LYSMD3: variants seen among roughly 807,000 people sequenced by gnomAD.
The protein encoded by LYSMD3 is lysM and putative peptidoglycan-binding domain-containing protein 3.
A neutral mutation model predicts 26.1 loss-of-function variants in LYSMD3; 13 were observed. The observed-to-expected ratio is 0.50, with a 90% CI of 0.32 to 0.79. LYSMD3 has a LOEUF of 0.79. Ranked by LOEUF, LYSMD3 falls within the 30% of genes least tolerant of loss-of-function variation. The pLI is 0.03. For missense variants in LYSMD3, 331 were observed against 362.5 expected (o/e 0.91, Z 0.71); for synonymous variants, 109 against 119.4 (o/e 0.91, Z 0.57).
At position 90,519,095 on chromosome 5, in the gene LYSMD3, T is replaced by G. The variant is rs373220565; in HGVS notation, c.645A>C (p.Gly215=). Reference sequence around the variant, plus strand: ...TCACTACAGCTGTCCACCACCCTATTCCCCAGTCTGCTCCATAATAGGGGT... The same window carrying G: ...TCACTACAGCTGTCCACCACCCTATGCCCCAGTCTGCTCCATAATAGGGGT... ...RKDPYYGADW[G]IGWWTAVVIM... Residue 215 remains glycine (G), a synonymous_variant, in exon 3 of 3, where the codon GGA becomes GGC. Coordinates refer to ENST00000315948, the MANE Select transcript of LYSMD3 (RefSeq NM_198273.2). 6.2e-7 allele frequency: 1 copy of G among 1,614,136 alleles called. No homozygotes were observed. The highest frequency in any genetic ancestry group is 1.1e-5 in the South Asian group (1 of 91,086).
At chr5:90,520,865 G>A (rs147858167) in intron 2 of LYSMD3, among the ~76,000 whole-genome samples, 132 of 151,956 alleles carry the variant, frequency 8.7e-4, no homozygotes, top group African/African-American at 3.1e-3. Flanking sequence ...GTTACAGTGA[G>A]CAGAGATTGT....
At chr5:90,526,971 A>G (rs2151922599) in intron 1 of LYSMD3, 1 of 152,378 alleles carries the variant, frequency 6.6e-6, no homozygotes, top group East Asian at 1.9e-4. Context: ...GAAGAAGTCC[A>G]AAATTCAGTA....
chr5:90,525,522 T>G (rs1442117734), intron 1 of LYSMD3, among the ~76,000 whole-genome samples: 1 of 152,218 alleles, frequency 6.6e-6, no homozygotes, highest in Non-Finnish European at 1.5e-5. Flanking sequence ...CGATCTCAGC[T>G]CACTGCAACC....
At chr5:90,520,302 C>T in intron 2 of LYSMD3, 1 of 426,030 alleles carries the variant, frequency 2.3e-6, no homozygotes, top group South Asian at 1.7e-5. Flanking sequence ...ATGCCAGGCT[C>T]TCCCACCATC....
intron 1 of LYSMD3, chr5:90,527,014 G>T (rs771693995): frequency 1.1e-4 from 16 of 152,276 alleles, no homozygotes; most frequent in Non-Finnish European, 2.2e-4. Flanking sequence ...TGAAAATATG[G>T]ATAAGGAGTG....
At chr5:90,528,288 G>A (rs764265405) in intron 1 of LYSMD3, among the ~76,000 whole-genome samples, 9 of 152,136 alleles carry the variant, frequency 5.9e-5, no homozygotes, top group Non-Finnish European at 1.0e-4. Flanking sequence ...TTAATATACA[G>A]CAATTTACAC....
At chr5:90,522,291 T>C (rs2151921450) in intron 2 of LYSMD3, among the ~76,000 whole-genome samples, 1 of 152,356 alleles carries the variant, frequency 6.6e-6, no homozygotes, top group Admixed American at 6.5e-5. Flanking sequence ...CAGAAGTAGA[T>C]GCTGCCTGCT....
chr5:90,521,187 A>G (rs1753080960), intron 2 of LYSMD3, among the ~76,000 whole-genome samples: 1 of 152,156 alleles, frequency 6.6e-6, no homozygotes, highest in Non-Finnish European at 1.5e-5. Context: ...CCTCTTTGCC[A>G]TTAAGGTTCC....
intron 2 of LYSMD3, among the ~76,000 whole-genome samples, chr5:90,521,719 T>C (rs1753093564): frequency 6.9e-6 from 1 of 145,948 alleles, no homozygotes; most frequent in Non-Finnish European, 1.5e-5. Context: ...AGGTTTAGTA[T>C]CTACCTAAGT....
intron 1 of LYSMD3, among the ~76,000 whole-genome samples, chr5:90,525,507 T>C (rs766752990): frequency 2.0e-4 from 30 of 152,196 alleles, no homozygotes; most frequent in Non-Finnish European, 4.1e-4. Context: ...TGGAGTGCAG[T>C]AGTGCGATCT....
chr5:90,520,173 T>C (rs1284727456), intron 2 of LYSMD3, among the ~76,000 whole-genome samples: 1 of 152,190 alleles, frequency 6.6e-6, no homozygotes, highest in African/African-American at 2.4e-5. Context: ...TTTTTCTCTA[T>C]ATATTATACA....
rs1752944942 is a variant in LYSMD3, at chr5:90,516,282, A to C, written c.*2537T>G. ...CTTCCTAGGAGTGAGATAGCAAAGA[A>C]ATTTTATTTTAACCGAGACTTCATA... On this transcript the variant is annotated 3_prime_UTR_variant, in exon 3 of 3. Coordinates refer to ENST00000315948, the MANE Select transcript of LYSMD3 (RefSeq NM_198273.2). 6.6e-6 allele frequency: 1 copy of C among 152,100 alleles called. No homozygotes were observed. Among genetic ancestry groups the C allele is most frequent in the Non-Finnish European group, 1.5e-5 (1 of 67,978 alleles). 9.4% of individuals were successfully genotyped at this position (152,100 alleles called of 1,614,324 possible). A position where few individuals can be genotyped will look rare whatever the true frequency, so the allele number is the denominator to read the frequency against.
In LYSMD3 at chr5:90,525,018, G is replaced by A; in HGVS notation, c.255+17C>T. On this transcript the variant is annotated intron_variant, in intron 2 of 2. Transcript: ENST00000315948. ...AATAATTTCTTCTGAATTGCATTAT[G>A]TAATATTAAAACTTACCGTACAACA... is the stretch of plus-strand genomic sequence containing the variant. 2 of 1,535,346 alleles carry A rather than the reference G, an allele frequency of 1.3e-6. No homozygotes were observed. The highest frequency in any genetic ancestry group is 1.8e-6 in the Non-Finnish European group (2 of 1,135,818).
chr5:90,529,528 C>G lies in LYSMD3; in HGVS notation c.-92G>C, dbSNP rs1753312235. ...GCCGCTGTCCCGGGTAAGTTCATGG[C>G]CGAGCCTCTGCTTTGGGCTGACCCC... On this transcript the variant is annotated 5_prime_UTR_variant, in exon 1 of 3. Transcript: ENST00000315948. The G allele has an allele frequency of 2.2e-6, 1 of 456,560 alleles. No individual in the cohort carries two copies. Among genetic ancestry groups the G allele is most frequent in the African/African-American group, 2.0e-5 (1 of 50,078 alleles). The allele number at this position is 456,560 out of a possible 1,614,324, so 28.3% of individuals were successfully genotyped here. A position where few individuals can be genotyped will look rare whatever the true frequency, so the allele number is the denominator to read the frequency against.
chr5:90,525,388 T>G, intron 1 of LYSMD3, 88 bp from the exon 2 acceptor site: 1 of 1,243,304 alleles, frequency 8.0e-7, no homozygotes, highest in Non-Finnish European at 1.1e-6. Context: ...GGACACAATC[T>G]TTTGTTTTTG....
chr5:90,529,350 C>A (rs983987115), intron 1 of LYSMD3, 98 bp downstream of exon 1: 1 of 455,642 alleles, frequency 2.2e-6, no homozygotes, highest in Non-Finnish European at 4.4e-6. Flanking sequence ...CCCCACCACA[C>A]CTGTGGCCGA....
rs148415274 is a variant in LYSMD3 at position 90,523,860 on chromosome 5, G to C, written c.255+1175C>G. Among the ~76,000 whole-genome samples, 248 of 152,212 alleles carry C rather than the reference G, an allele frequency of 1.6e-3. 1 individual carries two copies. The highest frequency in any genetic ancestry group is 2.9e-3 in the Non-Finnish European group (195 of 67,970). The stretch of plus-strand genomic sequence containing the variant: ...TTGGGAGTATGAGAACAAAAAGTTT[G>C]AAAACAAATGTTCTAACCAGTTTCC... On this transcript the variant is annotated intron_variant, in intron 2 of 2. Coordinates refer to ENST00000315948, the MANE Select transcript of LYSMD3 (RefSeq NM_198273.2).
intron 2 of LYSMD3, 49 bp downstream of exon 2, chr5:90,524,986 G>T: frequency 7.1e-7 from 1 of 1,417,532 alleles, no homozygotes; most frequent in East Asian, 2.3e-5. Context: ...TTCAGTGTGC[G>T]TAAACAAATA....
chr5:90,529,486 C>G lies in LYSMD3; in HGVS notation c.-50G>C, dbSNP rs1053961716. 5 of 456,524 alleles carry G rather than the reference C, an allele frequency of 1.1e-5. No homozygotes were observed. The highest frequency in any genetic ancestry group is 4.7e-5 in the Admixed American group (2 of 42,566). 28.3% of individuals were successfully genotyped at this position (456,524 alleles called of 1,614,324 possible). A position where few individuals can be genotyped will look rare whatever the true frequency, so the allele number is the denominator to read the frequency against. On this transcript the variant is annotated 5_prime_UTR_variant, in exon 1 of 3. Coordinates refer to ENST00000315948, the MANE Select transcript of LYSMD3 (RefSeq NM_198273.2). ...CAGGGAGCACTCTGCGAGAAGATGGCCAAAAGGTCCGCCGCCGCCGCTGTC... is the reference window on the plus strand; with the variant it reads ...CAGGGAGCACTCTGCGAGAAGATGGGCAAAAGGTCCGCCGCCGCCGCTGTC...
Sources: gnomAD v4.1 joint callset for allele counts (sites outside exome capture counted in the v4.1 genomes callset) on GRCh38, gnomAD v4.1.1 for gene constraint, MANE v1.5 for transcripts, NCBI Gene and HGNC (gene_info 2026-07-23, HGNC 2026-07-21) for gene names.